PTK2B: variants seen among roughly 807,000 people sequenced by gnomAD.
The protein encoded by PTK2B is protein-tyrosine kinase 2-beta.
PTK2B carries 71 observed loss-of-function variants against 142.9 expected under a neutral mutation model. The ratio of observed to expected loss-of-function variants is 0.50; its 90% CI spans 0.41 to 0.61. The LOEUF is 0.61. Among genes scored for constraint, PTK2B ranks in the 20% least tolerant of loss-of-function variants. PTK2B has a pLI of 0.00. For missense variants in PTK2B, 1,105 were observed against 1,320.4 expected (o/e 0.84, Z 2.53); for synonymous variants, 519 against 503.4 (o/e 1.03, Z -0.42).
At chr8:27,393,617 C>A (rs928802689) in intron 1 of PTK2B, among the ~76,000 whole-genome samples, 1 of 152,010 alleles carries the variant, frequency 6.6e-6, no homozygotes. Context: ...AGCCAGGCTG[C>A]GGAATGGGAG....
chr8:27,439,428 G>C, intron 20 of PTK2B, 30 bp downstream of exon 20: 6 of 1,592,038 alleles, frequency 3.8e-6, no homozygotes, highest in Non-Finnish European at 5.2e-6. Flanking sequence ...GGCATGAAAA[G>C]GTGTTCAGAT....
intron 1 of PTK2B, among the ~76,000 whole-genome samples, chr8:27,356,460 G>A (rs1805397221): frequency 6.6e-6 from 1 of 152,190 alleles, no homozygotes; most frequent in African/African-American, 2.4e-5. Context: ...CAGCTGAAAA[G>A]CCAATGAATT....
rs1366134078 is a variant in PTK2B at position 27,435,806 on chromosome 8, C to T, written c.1243+13C>T. ...CGAAGGCCCGGAGGTAGGTTCTCGA[C>T]CCCGCCACAGCGACCGTAGTCAAGG... On this transcript the variant is annotated intron_variant, in intron 14 of 30. Transcript: ENST00000346049. The T allele has an allele frequency of 6.2e-7, 1 of 1,613,302 alleles. No homozygotes were observed. The highest frequency in any genetic ancestry group is 8.5e-7 in the Non-Finnish European group (1 of 1,179,384).
upstream of PTK2B, chr8:27,310,926 G>A: frequency 1.2e-6 from 2 of 1,612,570 alleles, no homozygotes; most frequent in Non-Finnish European, 1.7e-6. Context: ...TGTCCGCGGT[G>A]CAGGCGGCAG....
At chr8:27,392,591 A>G (rs1807793355) in intron 1 of PTK2B, among the ~76,000 whole-genome samples, 1 of 152,182 alleles carries the variant, frequency 6.6e-6, no homozygotes, top group African/African-American at 2.4e-5. Flanking sequence ...ACAAGATTTT[A>G]GAGCCAGTCA....
At chr8:27,392,153 G>A (rs150048512) in intron 1 of PTK2B, among the ~76,000 whole-genome samples, 45 of 152,264 alleles carry the variant, frequency 3.0e-4, no homozygotes, top group Admixed American at 6.5e-4. Context: ...ATTTAGAGGC[G>A]TGAACAAGTT....
chr8:27,393,644 T>C (rs1357659496), intron 1 of PTK2B, among the ~76,000 whole-genome samples: 1 of 152,172 alleles, frequency 6.6e-6, no homozygotes, highest in Non-Finnish European at 1.5e-5. Context: ...TATCAGGGTG[T>C]GGTTTCTCAT....
upstream of PTK2B, among the ~76,000 whole-genome samples, chr8:27,324,015 T>A (rs1036571895): frequency 2.6e-5 from 4 of 152,184 alleles, no homozygotes; most frequent in African/African-American, 9.7e-5. Flanking sequence ...TCTCAACAAC[T>A]CACCCAGGTA....
At chr8:27,361,411 T>TG (rs939899713) in intron 1 of PTK2B, among the ~76,000 whole-genome samples, 4 of 152,072 alleles carry the variant, frequency 2.6e-5, no homozygotes, top group South Asian at 2.1e-4. Context: ...TTTGTACAGA[T>TG]GGGGGTCTCA....
At chr8:27,430,759 G>A (rs2132021017) in intron 7 of PTK2B, 117 bp from the exon 8 acceptor site, 4 of 1,399,382 alleles carry the variant, frequency 2.9e-6, no homozygotes, top group Non-Finnish European at 3.9e-6. Context: ...CTGCTTTTGG[G>A]GCAAAGGCCC....
chr8:27,399,168 T>G (rs1270425504), intron 2 of PTK2B, among the ~76,000 whole-genome samples: 2 of 152,256 alleles, frequency 1.3e-5, no homozygotes, highest in African/African-American at 2.4e-5. Flanking sequence ...GAAGTTAACC[T>G]GATTTCCAAG....
chr8:27,455,009 GAAAC>G (rs1812063822), intron 30 of PTK2B, among the ~76,000 whole-genome samples: 1 of 152,042 alleles, frequency 6.6e-6, no homozygotes, highest in East Asian at 1.9e-4. Flanking sequence ...ATTTAAATAA[GAAAC>G]AATCACTGAA....
intron 1 of PTK2B, among the ~76,000 whole-genome samples, chr8:27,329,812 G>T (rs1269335911): frequency 6.6e-5 from 10 of 152,118 alleles, no homozygotes; most frequent in African/African-American, 2.4e-4. Flanking sequence ...TTCCAGCCCA[G>T]GTTTGGTACC....
intron 2 of PTK2B, among the ~76,000 whole-genome samples, chr8:27,410,222 T>C (rs1808974732): frequency 1.3e-5 from 2 of 152,066 alleles, no homozygotes; most frequent in Admixed American, 6.6e-5. Flanking sequence ...GAGGCTTGCA[T>C]TGGAGGAAGC....
intron 3 of PTK2B, among the ~76,000 whole-genome samples, chr8:27,318,914 G>A (rs1410527138): frequency 6.6e-6 from 1 of 152,120 alleles, no homozygotes; most frequent in East Asian, 1.9e-4. Flanking sequence ...GCCTCCCAAA[G>A]TGCTGGGATT....
In PTK2B at chr8:27,397,531, C is replaced by G. The variant is rs750502518; in HGVS notation, c.-37-17C>G. ...GTGTGGGGCTCTTTCAGGGCTGACC[C>G]TCTGCTGTCTCTGCAGGACTGCAAT... On this transcript the variant is annotated splice_polypyrimidine_tract_variant and intron_variant, in intron 1 of 30. Coordinates refer to ENST00000346049, the MANE Select transcript of PTK2B (RefSeq NM_173176.3). 1.3e-6 allele frequency: 2 copies of G among 1,590,990 alleles called. No homozygotes were observed. The highest frequency in any genetic ancestry group is 2.2e-5 in the East Asian group (1 of 44,784).
Position 27,439,036 on chromosome 8 carries a change from T to C in PTK2B, c.1649T>C (p.Ile550Thr). ...LESINCVHRD[I>T]AVRNILVASP... ...TCTTGATGCCCTTCTTCCAGGGACA[T>C]TGCTGTCCGGAACATCCTGGTGGCC... is the stretch of plus-strand genomic sequence containing the variant. The change falls in exon 19 of 31, where the codon ATT becomes ACT. Residue 550 changes from isoleucine to threonine, a missense_variant. Coordinates refer to ENST00000346049, the MANE Select transcript of PTK2B (RefSeq NM_173176.3). 1 of 1,613,692 alleles carries C rather than the reference T, an allele frequency of 6.2e-7. No homozygotes were observed. The highest frequency in any genetic ancestry group is 8.5e-7 in the Non-Finnish European group (1 of 1,179,566).
At chr8:27,326,640 G>A (rs976409685) in intron 1 of PTK2B, among the ~76,000 whole-genome samples, 5 of 152,218 alleles carry the variant, frequency 3.3e-5, no homozygotes, top group Non-Finnish European at 7.3e-5. Context: ...GTGGGTGCTG[G>A]GAGGCCCCTC....
rs1481101020 is a variant in PTK2B, at chr8:27,433,569, G to A, written c.1105+17G>A. 17 of 1,606,812 alleles carry A rather than the reference G, an allele frequency of 1.1e-5. No individual in the cohort carries two copies. The highest frequency in any genetic ancestry group is 1.4e-5 in the Non-Finnish European group (17 of 1,173,710). On this transcript the variant is annotated intron_variant, in intron 11 of 30. Transcript: ENST00000346049. ...CTAGGAAAGGTGGGTTCCATTTAAA[G>A]GTAAAGTGGCTGGACCACGGGTGGC...
Sources: gnomAD v4.1 joint callset for allele counts (sites outside exome capture counted in the v4.1 genomes callset) on GRCh38, gnomAD v4.1.1 for gene constraint, MANE v1.5 for transcripts, NCBI Gene and HGNC (gene_info 2026-07-23, HGNC 2026-07-21) for gene names.